The following POLR3GL variants were observed in gnomAD, a reference collection of about 807,000 sequenced individuals.
POLR3GL encodes the protein RNA polymerase III subunit GL.
POLR3GL carries 26 observed loss-of-function variants against 32.4 expected under a neutral mutation model. The ratio of observed to expected loss-of-function variants is 0.80; its 90% CI spans 0.59 to 1.11. POLR3GL has a LOEUF of 1.11. Among genes scored for constraint, POLR3GL ranks in the 50% most tolerant of loss-of-function variants. POLR3GL has a pLI of 0.00. For synonymous variants in POLR3GL, 95 were observed against 98.7 expected (o/e 0.96, Z 0.22); for missense variants, 229 against 280.1 (o/e 0.82, Z 1.30).
At chr1:145,966,114 C>G (rs1166702047) in intron 1 of POLR3GL, among the ~76,000 whole-genome samples, 7 of 100,640 alleles carry the variant, frequency 7.0e-5, no homozygotes, top group African/African-American at 3.0e-4. Context: ...AAAACTCCCT[C>G]TCAAAAAAAA....
rs1649942978 is a variant in POLR3GL, at chr1:145,964,760, G to C, written c.-50G>C. The C allele has an allele frequency of 6.6e-6, 1 of 152,244 alleles. No individual in the cohort carries two copies. The highest frequency in any genetic ancestry group is 2.4e-5 in the African/African-American group (1 of 41,448). 9.4% of individuals were successfully genotyped at this position (152,244 alleles called of 1,614,324 possible). A position where few individuals can be genotyped will look rare whatever the true frequency, so the allele number is the denominator to read the frequency against. On this transcript the variant is annotated 5_prime_UTR_variant, in exon 1 of 8. Transcript: ENST00000369314. ...GCGGCTTGGGCTCCGCTTTGGGGAG[G>C]GGCAGCAGGTAAGGCTTGACCTGGT...
intron 1 of POLR3GL, among the ~76,000 whole-genome samples, chr1:145,968,319 C>A (rs1456235608): frequency 6.6e-6 from 1 of 152,166 alleles, no homozygotes; most frequent in African/African-American, 2.4e-5. Flanking sequence ...TGGTTTATTT[C>A]CCAACCTGTA....
At chr1:145,972,109 C>T (rs1462624852) in intron 1 of POLR3GL, among the ~76,000 whole-genome samples, 2 of 146,738 alleles carry the variant, frequency 1.4e-5, no homozygotes, top group African/African-American at 2.5e-5. Flanking sequence ...ATAGCCAGTG[C>T]GGTGGCTCAC....
chr1:145,971,705 G>A (rs1650306866), intron 1 of POLR3GL, among the ~76,000 whole-genome samples: 1 of 151,966 alleles, frequency 6.6e-6, no homozygotes, highest in African/African-American at 2.4e-5. Context: ...AGTGGCTCAC[G>A]CCTGTAATCC....
chr1:145,970,097 TA>T (rs1158418119), intron 1 of POLR3GL, among the ~76,000 whole-genome samples: 21 of 152,194 alleles, frequency 1.4e-4, no homozygotes, highest in African/African-American at 4.8e-4. Context: ...TATTTTTAAA[TA>T]TTTTTTTCAC....
At chr1:145,971,476 A>G (rs1650293954) in intron 1 of POLR3GL, among the ~76,000 whole-genome samples, 2 of 151,930 alleles carry the variant, frequency 1.3e-5, no homozygotes, top group Non-Finnish European at 1.5e-5. Flanking sequence ...GGAATTTGAT[A>G]TTTTTCTCTT....
Position 145,975,400 on chromosome 1 carries a change from C to T in POLR3GL, c.220C>T (p.Leu74Phe). ...KQELRGAMRQLPYFIRPAVPK... is the reference protein window; with the variant it reads ...KQELRGAMRQFPYFIRPAVPK... ...AGAGCTACGAGGAGCCATGAGGCAG[C>T]TCCCCTACTTCATCCGGCCAGCTGT... The change falls in exon 3 of 8, where the codon CTC (leucine) becomes TTC (phenylalanine). Residue 74 changes from leucine (L) to phenylalanine (F), a missense_variant. Transcript: ENST00000369314. The T allele has an allele frequency of 1.9e-6, 3 of 1,614,148 alleles. No individual in the cohort carries two copies. The highest frequency in any genetic ancestry group is 1.1e-5 in the South Asian group (1 of 91,084).
intron 1 of POLR3GL, among the ~76,000 whole-genome samples, chr1:145,969,583 T>C (rs1350132291): frequency 2.7e-5 from 4 of 150,692 alleles, no homozygotes; most frequent in African/African-American, 9.7e-5. Context: ...AATTAATATT[T>C]TAATGTTGTT....
chr1:145,973,267 T>C (rs1364709486), intron 1 of POLR3GL, among the ~76,000 whole-genome samples: 3 of 152,130 alleles, frequency 2.0e-5, no homozygotes, highest in African/African-American at 7.2e-5. Flanking sequence ...CTCTGACTGG[T>C]TCCTCAGGAT....
At chr1:145,976,484 C>A (rs1013699495) in intron 3 of POLR3GL, among the ~76,000 whole-genome samples, 2 of 148,956 alleles carry the variant, frequency 1.3e-5, no homozygotes, top group African/African-American at 5.0e-5. Context: ...GAGGCTGAGG[C>A]AAGAATTGCT....
chr1:145,972,699 T>G (rs1473393815), intron 1 of POLR3GL, among the ~76,000 whole-genome samples: 1 of 152,052 alleles, frequency 6.6e-6, no homozygotes, highest in East Asian at 1.9e-4. Flanking sequence ...CTCCTTTTTG[T>G]TTGTTTTTCG....
rs782577174 is a variant in POLR3GL at position 145,977,529 on chromosome 1, A to G, written c.372A>G (p.Leu124=). 8.1e-6 allele frequency: 13 copies of G among 1,614,034 alleles called. No individual in the cohort carries two copies. The Middle Eastern group carries it at 4.9e-4, about 61-fold the overall frequency. ...PRELKIRVRK[L]QKERITILLP... ...AGCTAAAGATCCGAGTGCGGAAGCTACAGAAGGAACGTGAGTGTATCTGGA... is the reference window on the plus strand; with the variant it reads ...AGCTAAAGATCCGAGTGCGGAAGCTGCAGAAGGAACGTGAGTGTATCTGGA... The change falls in exon 5 of 8, where the codon CTA becomes CTG. Residue 124 remains leucine (L), a synonymous_variant. Coordinates refer to ENST00000369314, the MANE Select transcript of POLR3GL (RefSeq NM_032305.3).
intron 3 of POLR3GL, among the ~76,000 whole-genome samples, chr1:145,975,990 A>G (rs890774903): frequency 6.6e-6 from 1 of 151,466 alleles, no homozygotes; most frequent in Non-Finnish European, 1.5e-5. Context: ...AAAAATCATC[A>G]TGGCCGGGTG....
chr1:145,969,115 T>C (rs1368270267), intron 1 of POLR3GL, among the ~76,000 whole-genome samples: 1 of 152,118 alleles, frequency 6.6e-6, no homozygotes, highest in Non-Finnish European at 1.5e-5. Flanking sequence ...TATCTATTTA[T>C]TGAGACACGG....
In POLR3GL at chr1:145,974,853, G is replaced by T; in HGVS notation, c.-13G>T. On this transcript the variant is annotated 5_prime_UTR_variant, in exon 2 of 8. It adds an upstream start codon to the 5' untranslated region. Transcript: ENST00000369314. ...TATTCACTGGATCTCTGAATACCCA[G>T]GCCCCCTCCACCATGGCCAGCCGGG... 1 of 1,507,682 alleles carries T rather than the reference G, an allele frequency of 6.6e-7. No individual in the cohort carries two copies. 93.4% of individuals were successfully genotyped at this position (1,507,682 alleles called of 1,614,324 possible). A position where few individuals can be genotyped will look rare whatever the true frequency, so the allele number is the denominator to read the frequency against.
At chr1:145,967,012 G>C (rs1431666187) in intron 1 of POLR3GL, among the ~76,000 whole-genome samples, 1 of 151,914 alleles carries the variant, frequency 6.6e-6, no homozygotes, top group Non-Finnish European at 1.5e-5. Flanking sequence ...CATTTCAAAG[G>C]CTGTTGATTT....
In POLR3GL at chr1:145,974,061, G is replaced by C. The variant is rs139328398; in HGVS notation, c.-41-764G>C. On this transcript the variant is annotated intron_variant, in intron 1 of 7. Transcript: ENST00000369314. ...GCAGGAGGATCACCTGAGCCCAGGA[G>C]GTTGAGGCTGCAGTGAGCCATGATC... Among the ~76,000 whole-genome samples the C allele has an allele frequency of 3.6e-3, 553 of 151,764 alleles. 4 individuals carry two copies. The highest frequency in any genetic ancestry group is 0.013 in the African/African-American group (530 of 41,386).
chr1:145,975,988 T>A (rs1553763338), intron 3 of POLR3GL, among the ~76,000 whole-genome samples: 1 of 151,296 alleles, frequency 6.6e-6, no homozygotes, highest in East Asian at 1.9e-4. Context: ...AAAAAAATCA[T>A]CATGGCCGGG....
At chr1:145,975,806 G>A (rs1406277074) in intron 3 of POLR3GL, among the ~76,000 whole-genome samples, 1 of 152,052 alleles carries the variant, frequency 6.6e-6, no homozygotes, top group African/African-American at 2.4e-5. Flanking sequence ...CAAAGTGCTG[G>A]GATTACAGGC....
Sources: gnomAD v4.1 joint callset for allele counts (sites outside exome capture counted in the v4.1 genomes callset) on GRCh38, gnomAD v4.1.1 for gene constraint, MANE v1.5 for transcripts, NCBI Gene and HGNC (gene_info 2026-07-23, HGNC 2026-07-21) for gene names.